SUGCT: variants seen among roughly 807,000 people sequenced by gnomAD.
SUGCT encodes the protein succinyl-CoA:glutarate CoA-transferase.
SUGCT carries 41 observed loss-of-function variants against 55.0 expected under a neutral mutation model. The observed-to-expected ratio is 0.74, with a 90% CI of 0.58 to 0.97. The LOEUF is 0.97. Ranked by LOEUF, SUGCT falls within the 50% of genes least tolerant of loss-of-function variation. The pLI is 0.00. For synonymous variants in SUGCT, 187 were observed against 200.4 expected (o/e 0.93, Z 0.56); for missense variants, 568 against 547.8 (o/e 1.04, Z -0.37).
At chr7:40,390,455 A>G (rs28796954) in intron 9 of SUGCT, among the ~76,000 whole-genome samples, 39,467 of 152,170 alleles carry the variant, frequency 0.26, 6,140 homozygotes, top group Non-Finnish European at 0.36. Context: ...TACAAAATCA[A>G]TGTGCAAAAA....
chr7:40,823,748 G>A lies in SUGCT; in HGVS notation c.1154-36568G>A, dbSNP rs75170560. Reference sequence around the variant, plus strand: ...AAAAGTATTTGAAAAGAAATTAAGAGGTGGCATGTATACTTAAATTTTTAT... The same window carrying A: ...AAAAGTATTTGAAAAGAAATTAAGAAGTGGCATGTATACTTAAATTTTTAT... On this transcript the variant is annotated intron_variant, in intron 13 of 13. Coordinates refer to ENST00000335693, the MANE Select transcript of SUGCT (RefSeq NM_001193313.2). Among the ~76,000 whole-genome samples the A allele has an allele frequency of 2.0e-4, 30 of 152,194 alleles. No homozygotes were observed. The East Asian group carries it at 5.8e-3, about 29-fold the overall frequency.
intron 12 of SUGCT, among the ~76,000 whole-genome samples, chr7:40,672,892 T>C (rs1802012176): frequency 6.6e-6 from 1 of 152,194 alleles, no homozygotes; most frequent in Admixed American, 6.5e-5. Flanking sequence ...GATAAATGTA[T>C]AAATGATAAA....
At chr7:40,288,878 C>T (rs1248384880) in intron 8 of SUGCT, among the ~76,000 whole-genome samples, 1 of 152,086 alleles carries the variant, frequency 6.6e-6, no homozygotes. Context: ...CCATCAAAGT[C>T]TCAATAGCCA....
intron 7 of SUGCT, among the ~76,000 whole-genome samples, chr7:40,245,155 A>G (rs1584442563): frequency 6.7e-6 from 1 of 148,180 alleles, no homozygotes; most frequent in East Asian, 2.1e-4. Flanking sequence ...CCCAGATTCA[A>G]GCAATTCTCC....
intron 12 of SUGCT, among the ~76,000 whole-genome samples, chr7:40,746,977 T>C (rs1311340369): frequency 6.6e-6 from 1 of 152,174 alleles, no homozygotes; most frequent in Non-Finnish European, 1.5e-5. Context: ...TAGCTCGGTA[T>C]TTTTGTTCCT....
At chr7:40,978,406 A>T in the SUGCT span, among the ~76,000 whole-genome samples, 1 of 152,298 alleles carries the variant, frequency 6.6e-6, no homozygotes, top group Non-Finnish European at 1.5e-5. Flanking sequence ...TCACTGATTT[A>T]TTCAAACACT....
At chr7:40,810,948 G>A (rs1791377152) in intron 13 of SUGCT, among the ~76,000 whole-genome samples, 1 of 152,088 alleles carries the variant, frequency 6.6e-6, no homozygotes, top group South Asian at 2.1e-4. Context: ...TATCGTGAAA[G>A]GTAGGGTTCC....
At chr7:40,563,615 G>A (rs1282664269) in intron 12 of SUGCT, among the ~76,000 whole-genome samples, 1 of 151,824 alleles carries the variant, frequency 6.6e-6, no homozygotes, top group Non-Finnish European at 1.5e-5. Flanking sequence ...TTGGAAGGCC[G>A]AGGTGGGAGG....
chr7:40,529,240 G>T (rs888138013), intron 12 of SUGCT, among the ~76,000 whole-genome samples: 1 of 152,200 alleles, frequency 6.6e-6, no homozygotes, highest in Non-Finnish European at 1.5e-5. Flanking sequence ...CCTGGGGGAG[G>T]TTGTAGACCC....
intron 13 of SUGCT, among the ~76,000 whole-genome samples, chr7:40,762,145 A>G (rs1788564179): frequency 6.6e-6 from 1 of 152,236 alleles, no homozygotes; most frequent in South Asian, 2.1e-4. Flanking sequence ...GGAATAGCTC[A>G]CACGGTGATG....
intron 6 of SUGCT, among the ~76,000 whole-genome samples, chr7:40,214,118 C>T (rs1432390465): frequency 6.6e-6 from 1 of 152,168 alleles, no homozygotes; most frequent in Non-Finnish European, 1.5e-5. Flanking sequence ...AAGCTATGTA[C>T]TCTCTCCTTT....
the SUGCT span, among the ~76,000 whole-genome samples, chr7:40,924,374 G>A: frequency 6.6e-6 from 1 of 151,448 alleles, no homozygotes; most frequent in Non-Finnish European, 1.5e-5. Context: ...CAAATAGCTG[G>A]GACCACAGGC....
At chr7:40,288,553 A>G (rs1331707307) in intron 8 of SUGCT, among the ~76,000 whole-genome samples, 1 of 152,070 alleles carries the variant, frequency 6.6e-6, no homozygotes, top group Non-Finnish European at 1.5e-5. Context: ...GTTTTCAAAA[A>G]TTTGATTTTG....
At chr7:40,206,619 T>C (rs1786989802) in intron 6 of SUGCT, among the ~76,000 whole-genome samples, 1 of 152,214 alleles carries the variant, frequency 6.6e-6, no homozygotes, top group African/African-American at 2.4e-5. Context: ...GGACCTTCTG[T>C]GGATGTTCGA....
chr7:40,843,557 TGTGAAGGAC>T (rs1245715309), intron 13 of SUGCT, among the ~76,000 whole-genome samples: 2 of 147,612 alleles, frequency 1.4e-5, no homozygotes, highest in Non-Finnish European at 3.0e-5. Flanking sequence ...TGAGCAGAAA[TGTGAAGGAC>T]GTGAGGGAAT....
At chr7:40,690,634 C>A (rs1471129988) in intron 12 of SUGCT, among the ~76,000 whole-genome samples, 1 of 151,970 alleles carries the variant, frequency 6.6e-6, no homozygotes, top group Non-Finnish European at 1.5e-5. Flanking sequence ...GTGGCTGGAT[C>A]TCAGCTTACT....
At chr7:40,955,953 C>T in the SUGCT span, among the ~76,000 whole-genome samples, 1 of 152,124 alleles carries the variant, frequency 6.6e-6, no homozygotes, top group Admixed American at 6.5e-5. Flanking sequence ...GTATGTTGAC[C>T]AGCCTTGTAT....
the SUGCT span, among the ~76,000 whole-genome samples, chr7:41,011,237 T>C: frequency 6.6e-6 from 1 of 152,122 alleles, no homozygotes; most frequent in Non-Finnish European, 1.5e-5. Context: ...GGGAGGCGGA[T>C]AGAAGAACAA....
At chr7:40,197,188 T>C (rs1237234333) in intron 6 of SUGCT, among the ~76,000 whole-genome samples, 1 of 152,140 alleles carries the variant, frequency 6.6e-6, no homozygotes, top group Non-Finnish European at 1.5e-5. Context: ...TAGATGATTC[T>C]TGGCCACTAG....
Sources: gnomAD v4.1 joint callset for allele counts (sites outside exome capture counted in the v4.1 genomes callset) on GRCh38, gnomAD v4.1.1 for gene constraint, MANE v1.5 for transcripts, NCBI Gene and HGNC (gene_info 2026-07-23, HGNC 2026-07-21) for gene names.